MCPH1: variants seen among roughly 807,000 people sequenced by gnomAD.
The protein encoded by MCPH1 is microcephalin.
MCPH1 carries 104 observed loss-of-function variants against 84.5 expected under a neutral mutation model. The ratio of observed to expected loss-of-function variants is 1.23; its 90% CI spans 1.05 to 1.45. The LOEUF is 1.45. Among genes scored for constraint, MCPH1 ranks in the 40% most tolerant of loss-of-function variants. MCPH1 has a pLI of 0.00. For missense variants in MCPH1, 1,498 were observed against 1,005.7 expected (o/e 1.49, Z -6.62); for synonymous variants, 514 against 366.8 (o/e 1.40, Z -4.58).
chr8:6,583,482 G>A (rs1371711842), intron 12 of MCPH1, among the ~76,000 whole-genome samples: 2 of 152,226 alleles, frequency 1.3e-5, no homozygotes, highest in African/African-American at 4.8e-5. Context: ...TGTTATGTCA[G>A]CACAGGGAAG....
At chr8:6,521,550 G>A in intron 12 of MCPH1, 2 of 652,536 alleles carry the variant, frequency 3.1e-6, no homozygotes, top group Non-Finnish European at 5.1e-6. Flanking sequence ...AGAGCCCTAA[G>A]GAATCTCTGA....
At chr8:6,541,052 G>C (rs965710266) in intron 12 of MCPH1, among the ~76,000 whole-genome samples, 1 of 152,230 alleles carries the variant, frequency 6.6e-6, no homozygotes. Context: ...TCTCATGGGT[G>C]TCCCGAGGCA....
At chr8:6,481,671 C>T (rs549262247) in intron 11 of MCPH1, among the ~76,000 whole-genome samples, 1 of 152,174 alleles carries the variant, frequency 6.6e-6, no homozygotes, top group East Asian at 1.9e-4. Flanking sequence ...GAATGGCCGT[C>T]GTCTTTTTTC....
At chr8:6,532,106 A>G (rs1819630987) in intron 12 of MCPH1, among the ~76,000 whole-genome samples, 1 of 152,230 alleles carries the variant, frequency 6.6e-6, no homozygotes, top group Non-Finnish European at 1.5e-5. Context: ...TGTCTTCAGT[A>G]GATAGAACAC....
intron 12 of MCPH1, among the ~76,000 whole-genome samples, chr8:6,528,681 G>T (rs922175953): frequency 1.3e-5 from 2 of 152,324 alleles, no homozygotes; most frequent in African/African-American, 4.8e-5. Context: ...AGGAAGAATC[G>T]ACTACTCACT....
chr8:6,503,081 C>A (rs754213622), intron 12 of MCPH1: 2 of 1,613,878 alleles, frequency 1.2e-6, no homozygotes, highest in South Asian at 1.1e-5. Context: ...CGAGACAGTT[C>A]CTCAGGTGGA....
chr8:6,432,326 T>C (rs1801960780), intron 4 of MCPH1, among the ~76,000 whole-genome samples: 1 of 152,274 alleles, frequency 6.6e-6, no homozygotes, highest in South Asian at 2.1e-4. Context: ...ATGTGAATGC[T>C]TTGTAAATAG....
chr8:6,548,762 G>A (rs1276602370), intron 12 of MCPH1, among the ~76,000 whole-genome samples: 1 of 152,136 alleles, frequency 6.6e-6, no homozygotes, highest in Non-Finnish European at 1.5e-5. Context: ...TGATGATGCT[G>A]GAAAAAAAGA....
At chr8:6,558,769 A>C (rs1487411783) in intron 12 of MCPH1, among the ~76,000 whole-genome samples, 1 of 152,106 alleles carries the variant, frequency 6.6e-6, no homozygotes, top group East Asian at 1.9e-4. Flanking sequence ...ATGTCAGACA[A>C]CCCCATTTAG....
intron 12 of MCPH1, among the ~76,000 whole-genome samples, chr8:6,589,611 C>T (rs899937727): frequency 9.9e-5 from 15 of 152,154 alleles, no homozygotes; most frequent in African/African-American, 3.6e-4. Flanking sequence ...CTACTGTGTG[C>T]CAGGCATTTT....
chr8:6,603,520 T>C (rs1010973756), intron 12 of MCPH1, among the ~76,000 whole-genome samples: 1 of 152,226 alleles, frequency 6.6e-6, no homozygotes, highest in Non-Finnish European at 1.5e-5. Context: ...TTTATGCCTT[T>C]ATATGAATTT....
chr8:6,586,648 G>T (rs906463898), intron 12 of MCPH1, among the ~76,000 whole-genome samples: 7 of 152,220 alleles, frequency 4.6e-5, no homozygotes, highest in Non-Finnish European at 1.0e-4. Context: ...AGACGGCCAG[G>T]AGAAACCATG....
chr8:6,451,571 G>GT (rs1563229915), intron 8 of MCPH1, among the ~76,000 whole-genome samples: 6 of 151,258 alleles, frequency 4.0e-5, no homozygotes, highest in Admixed American at 1.3e-4. Context: ...TGTTGTTTTT[G>GT]TTTTTTTCAG....
intron 11 of MCPH1, among the ~76,000 whole-genome samples, chr8:6,497,992 G>C (rs1811458737): frequency 6.6e-6 from 1 of 152,132 alleles, no homozygotes; most frequent in African/African-American, 2.4e-5. Context: ...CCTTGAACAG[G>C]AAGTGTCATC....
At position 6,613,778 on chromosome 8, in the gene MCPH1, G is replaced by C. The variant is rs533062065; in HGVS notation, c.2215-7676G>C. Among the ~76,000 whole-genome samples, 15 of 152,212 alleles carry C rather than the reference G, an allele frequency of 9.9e-5. No individual in the cohort carries two copies. The South Asian group carries it at 2.5e-3, about 25-fold the overall frequency. ...AGTGGGCACCCCCGTCTAGCAGCAC[G>C]GGGTGTGGAGCTGGCTTGTGGACGG... On this transcript the variant is annotated intron_variant, in intron 12 of 13. Coordinates refer to ENST00000344683, the MANE Select transcript of MCPH1 (RefSeq NM_024596.5).
chr8:6,535,249 A>C (rs917377626), intron 12 of MCPH1, among the ~76,000 whole-genome samples: 1 of 152,224 alleles, frequency 6.6e-6, no homozygotes, highest in Non-Finnish European at 1.5e-5. Context: ...TTCTAGAGCT[A>C]CTGAGTCAGA....
chr8:6,570,460 A>T (rs1456870438), intron 12 of MCPH1, among the ~76,000 whole-genome samples: 1 of 152,218 alleles, frequency 6.6e-6, no homozygotes, highest in African/African-American at 2.4e-5. Flanking sequence ...TTTCCTGGGA[A>T]ACAGCCATTT....
chr8:6,447,347 T>C (rs1804551120), intron 8 of MCPH1: 2 of 985,404 alleles, frequency 2.0e-6, no homozygotes, highest in Non-Finnish European at 2.4e-6. Context: ...TGAAAACTTC[T>C]GTACAGCAAA....
At chr8:6,563,474 G>C (rs927915079) in intron 12 of MCPH1, 1 of 152,568 alleles carries the variant, frequency 6.6e-6, no homozygotes, top group African/African-American at 2.4e-5. Context: ...GCATTTCCTA[G>C]GCACCACCCC....
Sources: allele counts gnomAD v4.1 joint callset (sites outside exome capture counted in the v4.1 genomes callset), GRCh38; gene constraint gnomAD v4.1.1; transcripts MANE v1.5; gene names NCBI Gene and HGNC (gene_info 2026-07-23, HGNC 2026-07-21).